Variants in ARHGAP45 observed in about 807,000 individuals in gnomAD.
ARHGAP45 encodes Rho GTPase activating protein 45.
A neutral mutation model predicts 116.1 loss-of-function variants in ARHGAP45; 56 were observed. The observed-to-expected ratio is 0.48, with a 90% CI of 0.39 to 0.60. ARHGAP45 has a LOEUF of 0.60. ARHGAP45 is among the 20% of genes least tolerant of loss of function. The pLI is 0.00. For missense variants in ARHGAP45, 1,622 were observed against 1,601.0 expected, an observed-to-expected ratio of 1.01 and a Z score of -0.22; for synonymous variants, 866 against 701.7, an observed-to-expected ratio of 1.23 and a Z score of -3.70.
At chr19:1,070,965 T>TCCACCCCACAGCTTGGGGAC (rs1408688653) in intron 2 of ARHGAP45, among the ~76,000 whole-genome samples, 1 of 151,950 alleles carries the variant, frequency 6.6e-6, no homozygotes, top group African/African-American at 2.4e-5. Flanking sequence ...GGTTGTGGGG[T>TCCACCCCACAGCTTGGGGAC]CCACCCCACA....
chr19:1,074,984 A>C (rs956338730), intron 10 of ARHGAP45, 105 bp downstream of exon 10: 79 of 959,450 alleles, frequency 8.2e-5, no homozygotes, highest in Non-Finnish European at 1.0e-4. Flanking sequence ...AGCTCCGCAC[A>C]CGCCCCGGCC....
intron 11 of ARHGAP45, among the ~76,000 whole-genome samples, chr19:1,078,517 C>G (rs2043332392): frequency 6.7e-6 from 1 of 149,940 alleles, no homozygotes; most frequent in African/African-American, 2.5e-5. Context: ...ACTGCAACCT[C>G]CGCCTCCCAG....
chr19:1,073,738 T>C lies in ARHGAP45; in HGVS notation c.715T>C (p.Ser239Pro). Residue 239 changes from serine to proline, a missense_variant, in exon 5 of 23, where the codon TCG becomes CCG. By Grantham distance (74) the Ser-to-Pro change is moderately conservative. Coordinates refer to ENST00000313093, the MANE Select transcript of ARHGAP45 (RefSeq NM_012292.5). ...STLLAVPPGD[S>P]SQSMESLYGP... ...CCTCCTAGCAGTGCCTCCTGGGGAC[T>C]CGAGCCAGGTGAGTGGGGTGGGCCA... is the stretch of plus-strand genomic sequence containing the variant. 6.3e-7 allele frequency: 1 copy of C among 1,590,888 alleles called. No homozygotes were observed. The highest frequency in any genetic ancestry group is 8.6e-7 in the Non-Finnish European group (1 of 1,168,414).
Position 1,084,334 on chromosome 19 carries a change from G to A in ARHGAP45, c.3052G>A (p.Asp1018Asn). ...CTACCCGCTGCAGGAGGCGGCGGCG[G>A]ACGGGTGCAGAGGTGAGTGTGTGGC... The part of the protein sequence containing the change: ...VVYPLQEAAA[D>N]GCRESRVVSN... The change falls in exon 22 of 23, where the codon GAC becomes AAC. Residue 1018 changes from aspartate (D) to asparagine (N), a missense_variant. Asp to Asn is a conservative substitution (Grantham distance 23). This residue lies in a region of ARHGAP45 where 1,334 missense variants were observed against 1,263.8 expected (regional missense o/e 1.06). Transcript: ENST00000313093. The A allele has an allele frequency of 1.9e-6, 3 of 1,610,046 alleles. No homozygotes were observed. The highest frequency in any genetic ancestry group is 1.7e-6 in the Non-Finnish European group (2 of 1,178,518).
At chr19:1,079,875 G>A (rs372382659) in intron 12 of ARHGAP45, 35 bp downstream of exon 12, 6 of 1,592,116 alleles carry the variant, frequency 3.8e-6, no homozygotes, top group Non-Finnish European at 5.1e-6. Context: ...GGGCGGGGAT[G>A]GTGGACCGGG....
rs951629905 is a variant in ARHGAP45 at position 1,086,126 on chromosome 19, C to T, written c.*120C>T. Reference sequence around the variant, plus strand: ...GTCCTGGGGTCGCTGCCGAGAGCGCCTGGACTTCGACGTCCCACCAGCGGG... The same window carrying T: ...GTCCTGGGGTCGCTGCCGAGAGCGCTTGGACTTCGACGTCCCACCAGCGGG... On this transcript the variant is annotated 3_prime_UTR_variant, in exon 23 of 23. Transcript: ENST00000313093. The T allele has an allele frequency of 3.2e-6, 3 of 927,392 alleles. No homozygotes were observed. Among genetic ancestry groups the T allele is most frequent in the Non-Finnish European group, 4.8e-6 (3 of 624,076 alleles). The allele number at this position is 927,392 out of a possible 1,614,324, so 57.4% of individuals were successfully genotyped here. A position where few individuals can be genotyped will look rare whatever the true frequency, so the allele number is the denominator to read the frequency against.
Position 1,080,112 on chromosome 19 carries a change from A to C in ARHGAP45, c.1697A>C (p.Asn566Thr). The C allele has an allele frequency of 6.2e-7, 1 of 1,611,614 alleles. No homozygotes were observed. The highest frequency in any genetic ancestry group is 1.7e-4 in the Middle Eastern group (1 of 6,056). The change falls in exon 13 of 23, where the codon AAC becomes ACC. Residue 566 changes from asparagine to threonine, a missense_variant. Transcript: ENST00000313093. ...GACTTTGAGCCCCACGTCTCCGCCA[A>C]CGCCTGGTACCGCCACCCAGCTGCC... ...HYDFEPHVSA[N>T]AWSPVMRARK...
chr19:1,066,294 G>C, upstream of ARHGAP45: 2 of 765,554 alleles, frequency 2.6e-6, no homozygotes, highest in Non-Finnish European at 4.0e-6. Context: ...GGGGTTGGGG[G>C]AAGGTAGGAG....
In ARHGAP45 at chr19:1,069,598, C is replaced by A. The variant is rs142469905; in HGVS notation, c.421+854C>A. ...CTCAAGTGGTGGAGTGGCCTCTGCA[C>A]CTTCAGGGCACTAGTTGGGGAAGGC... On this transcript the variant is annotated intron_variant, in intron 2 of 22. Transcript: ENST00000313093. This position sits in a 1 kb window ranked among gnomAD's most constrained non-coding sequence, Gnocchi z 4.1. Among the ~76,000 whole-genome samples, 1,225 of 152,294 alleles carry A rather than the reference C, an allele frequency of 8.0e-3. 9 individuals carry two copies. The highest frequency in any genetic ancestry group is 0.028 in the African/African-American group (1,147 of 41,554).
intron 1 of ARHGAP45, chr19:1,067,722 C>G: frequency 1.4e-6 from 1 of 691,850 alleles, no homozygotes; most frequent in Non-Finnish European, 2.6e-6. Flanking sequence ...CCATCCAGGG[C>G]TGGCCGCGGG....
chr19:1,083,744 A>G (rs2043516755), intron 21 of ARHGAP45, among the ~76,000 whole-genome samples: 1 of 151,734 alleles, frequency 6.6e-6, no homozygotes, highest in South Asian at 2.1e-4. Context: ...CCCGCTTCAG[A>G]TTTTCTTTTC....
Position 1,071,179 on chromosome 19 carries a change from CG to C in ARHGAP45, c.422-1965del. 1 of 1,343,476 alleles carries C rather than the reference CG, an allele frequency of 7.4e-7. No individual in the cohort carries two copies. The highest frequency in any genetic ancestry group is 9.5e-7 in the Non-Finnish European group (1 of 1,049,360). The allele number at this position is 1,343,476 out of a possible 1,614,324, so 83.2% of individuals were successfully genotyped here. On this transcript the variant is annotated intron_variant, in intron 2 of 22. Transcript: ENST00000313093. The surrounding 1 kb of genome is among the most constrained non-coding windows in gnomAD (Gnocchi z 4.6). ...GGACCCCAGGGCGGGGTTTCCCTCG[CG>C]GGGGCGGGGCCTCCTGACCGGCCGG...
intron 10 of ARHGAP45, 105 bp downstream of exon 10, chr19:1,074,984 A>T (rs956338730): frequency 1.0e-6 from 1 of 959,556 alleles, no homozygotes; most frequent in Non-Finnish European, 1.4e-6. Flanking sequence ...AGCTCCGCAC[A>T]CGCCCCGGCC....
At chr19:1,080,825 T>C (rs754164129) in intron 16 of ARHGAP45, 39 bp downstream of exon 16, 2 of 1,610,766 alleles carry the variant, frequency 1.2e-6, no homozygotes, top group Non-Finnish European at 1.7e-6. Context: ...AGAGGGGGGT[T>C]TGGACACAGT....
chr19:1,075,864 G>T (rs747986626), intron 10 of ARHGAP45, among the ~76,000 whole-genome samples: 1 of 152,100 alleles, frequency 6.6e-6, no homozygotes, highest in African/African-American at 2.4e-5. Flanking sequence ...GCAGTGAAAC[G>T]CACCCTCCTA....
At chr19:1,074,955 T>C (rs1418175892) in intron 10 of ARHGAP45, 76 bp downstream of exon 10, 4 of 1,276,612 alleles carry the variant, frequency 3.1e-6, no homozygotes, top group African/African-American at 3.2e-5. Context: ...CCCAGCCCCA[T>C]AGCGAGGGCC....
intron 19 of ARHGAP45, 27 bp from the exon 20 acceptor site, chr19:1,082,813 C>T: frequency 6.8e-7 from 1 of 1,462,620 alleles, no homozygotes; most frequent in Non-Finnish European, 9.0e-7. Flanking sequence ...GGCCCACCAA[C>T]ACCTGCTGAC....
rs2043381869 is a variant in ARHGAP45 at position 1,079,979 on chromosome 19, G to A, written c.1564G>A (p.Val522Met). Residue 522 changes from valine to methionine, a missense_variant, in exon 13 of 23, where the codon GTG (valine) becomes ATG (methionine). Around this residue, in one of 3 missense-constraint regions of ARHGAP45, gnomAD observed 1,334 missense variants for 1,263.8 expected, o/e 1.06. Coordinates refer to ENST00000313093, the MANE Select transcript of ARHGAP45 (RefSeq NM_012292.5). The part of the protein sequence containing the change: ...MMHMQTAPLP[V>M]HFQMLCESSK... ...GCATATGCAGACGGCGCCGCTGCCC[G>A]TGCACTTCCAGATGCTGTGTGAGAG... The A allele has an allele frequency of 1.2e-6, 2 of 1,612,742 alleles. No homozygotes were observed. The highest frequency in any genetic ancestry group is 2.2e-5 in the East Asian group (1 of 44,876).
intron 11 of ARHGAP45, among the ~76,000 whole-genome samples, chr19:1,078,837 C>T (rs1445702650): frequency 1.3e-5 from 2 of 151,988 alleles, no homozygotes; most frequent in African/African-American, 4.8e-5. Context: ...TCGCCTCAGC[C>T]TCTAGAGTAG....
Sources: allele counts gnomAD v4.1 joint callset (sites outside exome capture counted in the v4.1 genomes callset), GRCh38; gene constraint gnomAD v4.1.1; regional missense constraint gnomAD v4.1.1; non-coding constraint Gnocchi (gnomAD v3.1); transcripts MANE v1.5; gene names NCBI Gene and HGNC (gene_info 2026-07-23, HGNC 2026-07-21).